Variants in FRMD6 observed in about 807,000 individuals in gnomAD.
FRMD6 encodes the protein FERM domain-containing protein 6.
Under a neutral mutation model 73.2 loss-of-function variants are expected in FRMD6, and 37 were observed. The ratio of observed to expected loss-of-function variants is 0.51; its 90% CI spans 0.39 to 0.66. The LOEUF (loss-of-function observed/expected upper bound fraction) is 0.66, where lower values mean the gene tolerates loss of function less well. FRMD6 is among the 30% of genes least tolerant of loss of function. The pLI, the probability that FRMD6 is intolerant of heterozygous loss-of-function variation, is 0.00. For missense variants in FRMD6, 714 were observed against 780.5 expected (o/e 0.91, Z 1.02); for synonymous variants, 273 against 282.2 (o/e 0.97, Z 0.33).
chr14:51,612,759 A>G (rs772301980), intron 2 of FRMD6, among the ~76,000 whole-genome samples: 1 of 152,222 alleles, frequency 6.6e-6, no homozygotes, highest in Non-Finnish European at 1.5e-5. Context: ...ATCTGCACAA[A>G]CAAGACTACT....
At position 51,604,508 on chromosome 14, in the gene FRMD6, T is replaced by A. The variant is rs145646899; in HGVS notation, c.-147+34098T>A. On this transcript the variant is annotated intron_variant, in intron 2 of 14. Coordinates refer to the FRMD6 transcript ENST00000356218. ...TACTAAAATACTATTAAAATCTTCA[T>A]GTTTTGCAGAAATCATTGGATATAA... is the stretch of plus-strand genomic sequence containing the variant. Among the ~76,000 whole-genome samples, 523 of 152,264 alleles carry A rather than the reference T, an allele frequency of 3.4e-3. 3 individuals carry two copies. The highest frequency in any genetic ancestry group is 5.7e-3 in the Non-Finnish European group (386 of 68,014).
intron 2 of FRMD6, among the ~76,000 whole-genome samples, chr14:51,622,279 G>A (rs1890953892): frequency 6.6e-6 from 1 of 152,184 alleles, no homozygotes; most frequent in African/African-American, 2.4e-5. Context: ...GCAACCTGTT[G>A]TGATTTCTTT....
chr14:51,472,423 C>T, the FRMD6 span, among the ~76,000 whole-genome samples: 1 of 152,144 alleles, frequency 6.6e-6, no homozygotes. Flanking sequence ...CCTGCTTCAG[C>T]CTCCCGAGTG....
rs1021342697 is a variant in FRMD6 at position 51,728,764 on chromosome 14, A to C, written c.*735A>C. On this transcript the variant is annotated 3_prime_UTR_variant, in exon 14 of 14. Transcript: ENST00000344768. ...AACAGATGAATTATATTCATGTTGTAATGCATTTTGTGGAGTTTACAAAAC... is the reference window on the plus strand; with the variant it reads ...AACAGATGAATTATATTCATGTTGTCATGCATTTTGTGGAGTTTACAAAAC... The C allele has an allele frequency of 6.6e-6, 1 of 152,626 alleles. No individual in the cohort carries two copies. Among genetic ancestry groups the C allele is most frequent in the African/African-American group, 2.4e-5 (1 of 41,458 alleles). 9.5% of individuals were successfully genotyped at this position (152,626 alleles called of 1,614,324 possible).
chr14:51,531,546 G>A (rs1049702568), intron 1 of FRMD6, among the ~76,000 whole-genome samples: 2 of 152,288 alleles, frequency 1.3e-5, no homozygotes, highest in African/African-American at 4.8e-5. Context: ...CGGTGCCAAT[G>A]TTTATTAGTT....
At chr14:51,523,979 G>A (rs1224277994) in intron 1 of FRMD6, among the ~76,000 whole-genome samples, 1 of 152,214 alleles carries the variant, frequency 6.6e-6, no homozygotes, top group Non-Finnish European at 1.5e-5. Context: ...CAATATCAGG[G>A]ATAAAGCCTC....
the FRMD6 span, among the ~76,000 whole-genome samples, chr14:51,408,928 G>C: frequency 6.6e-6 from 1 of 152,072 alleles, no homozygotes; most frequent in African/African-American, 2.4e-5. Context: ...TACAAACTTC[G>C]AACACTTTAA....
chr14:51,417,503 G>A, the FRMD6 span, among the ~76,000 whole-genome samples: 5 of 152,214 alleles, frequency 3.3e-5, no homozygotes, highest in African/African-American at 9.7e-5. Flanking sequence ...GGCTTGTAGA[G>A]TTTCTGCCGA....
intron 1 of FRMD6, among the ~76,000 whole-genome samples, chr14:51,537,289 G>A (rs370732028): frequency 5.3e-5 from 8 of 152,068 alleles, no homozygotes; most frequent in East Asian, 3.8e-4. Flanking sequence ...CCCTCCCTTA[G>A]TAATATACAT....
intron 1 of FRMD6, among the ~76,000 whole-genome samples, chr14:51,533,743 C>T (rs929827340): frequency 1.3e-5 from 2 of 152,174 alleles, no homozygotes; most frequent in Non-Finnish European, 2.9e-5. Flanking sequence ...GATGACATTG[C>T]CAGGCCCTTA....
chr14:51,602,795 T>C (rs1361422683), intron 2 of FRMD6, among the ~76,000 whole-genome samples: 2 of 152,248 alleles, frequency 1.3e-5, no homozygotes, highest in African/African-American at 2.4e-5. Flanking sequence ...TTCCCTTTCA[T>C]AAAATATTAG....
chr14:51,677,328 A>G (rs926040251), intron 1 of FRMD6, among the ~76,000 whole-genome samples: 1 of 152,102 alleles, frequency 6.6e-6, no homozygotes, highest in Non-Finnish European at 1.5e-5. Context: ...TAAGATTCAT[A>G]TATTGCTACT....
chr14:51,451,861 T>C, the FRMD6 span, among the ~76,000 whole-genome samples: 1 of 152,198 alleles, frequency 6.6e-6, no homozygotes, highest in African/African-American at 2.4e-5. Context: ...TGCAGAATGG[T>C]GAGTTAAATA....
intron 1 of FRMD6, among the ~76,000 whole-genome samples, chr14:51,497,430 C>T (rs1883369800): frequency 6.6e-6 from 1 of 152,042 alleles, no homozygotes; most frequent in Admixed American, 6.6e-5. Flanking sequence ...TTATTATTCC[C>T]TCTATTAGAC....
the FRMD6 span, among the ~76,000 whole-genome samples, chr14:51,445,023 C>A: frequency 6.6e-6 from 1 of 152,162 alleles, no homozygotes; most frequent in Non-Finnish European, 1.5e-5. Context: ...CAACTTTGAT[C>A]AACTATTAAT....
At chr14:51,593,034 GT>G (rs1376164949) in intron 2 of FRMD6, among the ~76,000 whole-genome samples, 6 of 152,206 alleles carry the variant, frequency 3.9e-5, no homozygotes, top group Non-Finnish European at 8.8e-5. Context: ...GTTATGTGAT[GT>G]TATTTTGTCA....
chr14:51,673,972 T>C (rs1894200155), intron 1 of FRMD6, among the ~76,000 whole-genome samples: 1 of 152,182 alleles, frequency 6.6e-6, no homozygotes. Flanking sequence ...TTTTCAGTTA[T>C]TATACATGGA....
chr14:51,555,454 A>C (rs1446365605), intron 1 of FRMD6, among the ~76,000 whole-genome samples: 2 of 152,176 alleles, frequency 1.3e-5, no homozygotes, highest in African/African-American at 4.8e-5. Flanking sequence ...AATTGGAAGC[A>C]CTTATAAGGT....
At chr14:51,525,685 AT>A (rs965488443) in intron 1 of FRMD6, among the ~76,000 whole-genome samples, 1 of 152,044 alleles carries the variant, frequency 6.6e-6, no homozygotes, top group Non-Finnish European at 1.5e-5. Context: ...CTGCCTCCTC[AT>A]TTTGTGTTAA....
Sources: allele counts gnomAD v4.1 joint callset (sites outside exome capture counted in the v4.1 genomes callset), GRCh38; gene constraint gnomAD v4.1.1; transcripts MANE v1.5; gene names NCBI Gene and HGNC (gene_info 2026-07-23, HGNC 2026-07-21).